Variants in MARCHF6 observed in about 807,000 individuals in gnomAD.
MARCHF6 encodes E3 ubiquitin-protein ligase MARCHF6.
A neutral mutation model predicts 133.7 loss-of-function variants in MARCHF6; 31 were observed. The ratio of observed to expected loss-of-function variants is 0.23; its 90% CI spans 0.17 to 0.31. The LOEUF (loss-of-function observed/expected upper bound fraction) is 0.31. Ranked by LOEUF, MARCHF6 falls within the 10% of genes least tolerant of loss-of-function variation. The probability of loss-of-function intolerance (pLI) is 1.00; values close to 1 mark genes in which losing one functional copy is unlikely to be tolerated. For synonymous variants in MARCHF6, 395 were observed against 402.5 expected (o/e 0.98, Z 0.22); for missense variants, 723 against 1,121.6 (o/e 0.64, Z 5.08).
intron 6 of MARCHF6, among the ~76,000 whole-genome samples, 176 bp from the exon 7 acceptor site, chr5:10,391,366 C>T (rs1017941291): frequency 6.8e-6 from 1 of 147,416 alleles, no homozygotes; most frequent in Non-Finnish European, 1.5e-5. Flanking sequence ...CTCTTGAGCT[C>T]AAGCAATCTG....
In MARCHF6 at chr5:10,407,155, T is replaced by G. The variant is rs774436565; in HGVS notation, c.1506T>G (p.Ile502Met). ...TGCTTTGGCTTCCTATACGTATAAT[T>G]AAGAGTGTGCTGCCTAATTTTCTTC... is the stretch of plus-strand genomic sequence containing the variant. Reference protein sequence around the residue: ...LLMLWLPIRIIKSVLPNFLPY... With the variant: ...LLMLWLPIRIMKSVLPNFLPY... The change falls in exon 17 of 26, where the codon ATT becomes ATG. Residue 502 changes from isoleucine to methionine, a missense_variant. Physicochemically the swap from Ile to Met is conservative, Grantham distance 10. Around this residue, in one of 4 missense-constraint regions of MARCHF6, gnomAD observed 492 missense variants for 699.5 expected, o/e 0.70. Transcript: ENST00000274140. 2 of 1,613,432 alleles carry G rather than the reference T, an allele frequency of 1.2e-6. No individual in the cohort carries two copies.
chr5:10,372,066 C>CAA, intron 1 of MARCHF6, among the ~76,000 whole-genome samples: 1 of 116,784 alleles, frequency 8.6e-6, no homozygotes, highest in East Asian at 2.4e-4. Flanking sequence ...GTGAGTAGGC[C>CAA]AAAAAAAAAA....
intron 1 of MARCHF6, among the ~76,000 whole-genome samples, chr5:10,374,108 A>G (rs974031236): frequency 2.0e-5 from 3 of 152,080 alleles, no homozygotes; most frequent in African/African-American, 7.2e-5. Context: ...AGCCTGATAA[A>G]TTAATACCCT....
At chr5:10,373,466 G>A (rs534599719) in intron 1 of MARCHF6, among the ~76,000 whole-genome samples, 4 of 152,126 alleles carry the variant, frequency 2.6e-5, no homozygotes, top group Non-Finnish European at 2.9e-5. Context: ...CTCAGGCCAC[G>A]CAGGGCTAGG....
At chr5:10,362,896 A>G (rs555687138) in intron 1 of MARCHF6, among the ~76,000 whole-genome samples, 6 of 152,344 alleles carry the variant, frequency 3.9e-5, no homozygotes, top group African/African-American at 9.6e-5. Flanking sequence ...ATACATGGAC[A>G]GTTGATTTTT....
chr5:10,357,256 A>G (rs2126632835), intron 1 of MARCHF6, among the ~76,000 whole-genome samples: 1 of 150,960 alleles, frequency 6.6e-6, no homozygotes, highest in Non-Finnish European at 1.5e-5. Flanking sequence ...ACAATATTGG[A>G]ATAGATGTTG....
chr5:10,364,437 T>C (rs1413483221), intron 1 of MARCHF6, among the ~76,000 whole-genome samples: 2 of 152,148 alleles, frequency 1.3e-5, no homozygotes, highest in Admixed American at 6.5e-5. Context: ...ACTGATAGTG[T>C]GGCAGGAGCT....
At chr5:10,421,543 G>A (rs550700442) in intron 22 of MARCHF6, among the ~76,000 whole-genome samples, 1 of 152,212 alleles carries the variant, frequency 6.6e-6, no homozygotes, top group East Asian at 1.9e-4. Context: ...CTGCAGCTCC[G>A]TGGGATAGTG....
chr5:10,364,828 A>G (rs1399844467), intron 1 of MARCHF6, among the ~76,000 whole-genome samples: 3 of 152,066 alleles, frequency 2.0e-5, no homozygotes, highest in Admixed American at 6.6e-5. Flanking sequence ...TTTGAGATGG[A>G]GTTTCGCTCT....
At chr5:10,392,002 A>G (rs1187919396) in intron 7 of MARCHF6, among the ~76,000 whole-genome samples, 2 of 139,622 alleles carry the variant, frequency 1.4e-5, no homozygotes, top group East Asian at 2.1e-4. Flanking sequence ...TCTGTCGCCC[A>G]GGCTGGAGTG....
chr5:10,366,476 T>G (rs1736144848), intron 1 of MARCHF6, among the ~76,000 whole-genome samples: 1 of 152,242 alleles, frequency 6.6e-6, no homozygotes, highest in South Asian at 2.1e-4. Context: ...ACATGTGGCA[T>G]AGTGCCACGG....
At chr5:10,371,597 A>G (rs1173983292) in intron 1 of MARCHF6, among the ~76,000 whole-genome samples, 1 of 152,182 alleles carries the variant, frequency 6.6e-6, no homozygotes, top group Non-Finnish European at 1.5e-5. Flanking sequence ...CAGCATTGCA[A>G]AGACTTGCCC....
chr5:10,420,759 A>G (rs1739783926), intron 22 of MARCHF6, among the ~76,000 whole-genome samples: 1 of 152,210 alleles, frequency 6.6e-6, no homozygotes, highest in South Asian at 2.1e-4. Flanking sequence ...AACCACAGAA[A>G]TGACCAAACA....
chr5:10,377,758 T>A (rs750611091), intron 1 of MARCHF6, 40 bp from the exon 2 acceptor site: 7 of 1,442,696 alleles, frequency 4.9e-6, no homozygotes, highest in Non-Finnish European at 6.8e-6. Context: ...TTAAAAAAGT[T>A]ATAACCAAAG....
At chr5:10,424,266 G>C (rs1342164735) in intron 23 of MARCHF6, among the ~76,000 whole-genome samples, 1 of 152,112 alleles carries the variant, frequency 6.6e-6, no homozygotes, top group Non-Finnish European at 1.5e-5. Context: ...GCAAAAAATT[G>C]GCAGATGCGG....
At chr5:10,382,255 C>A (rs923568536) in intron 4 of MARCHF6, among the ~76,000 whole-genome samples, 7 of 152,060 alleles carry the variant, frequency 4.6e-5, no homozygotes, top group African/African-American at 1.7e-4. Flanking sequence ...TCAAGGGCTA[C>A]AAAAGACGGC....
intron 4 of MARCHF6, among the ~76,000 whole-genome samples, chr5:10,383,595 C>T (rs1424122184): frequency 6.6e-6 from 1 of 152,164 alleles, no homozygotes; most frequent in African/African-American, 2.4e-5. Context: ...AATTCCCTTT[C>T]TGCAAATTAC....
chr5:10,356,607 A>T (rs1379825327), intron 1 of MARCHF6, among the ~76,000 whole-genome samples: 4 of 151,772 alleles, frequency 2.6e-5, no homozygotes, highest in African/African-American at 9.7e-5. Flanking sequence ...TGTTGGCCAG[A>T]CTGGTCTCAA....
rs2126405003 is a variant in MARCHF6 at position 10,437,825 on chromosome 5, C to T, written c.*4141C>T. ...TGCCTTCTAAGTTGAGAGGACAAAA[C>T]TGAATAAAGTGAATGTTAATTGTAG... On this transcript the variant is annotated 3_prime_UTR_variant, in exon 26 of 26. Coordinates refer to ENST00000274140, the MANE Select transcript of MARCHF6 (RefSeq NM_005885.4). 6.6e-6 allele frequency: 1 copy of T among 152,290 alleles called. No homozygotes were observed. The highest frequency in any genetic ancestry group is 1.9e-4 in the East Asian group (1 of 5,188). The allele number at this position is 152,290 out of a possible 1,614,324, so 9.4% of individuals were successfully genotyped here.
Sources: allele counts gnomAD v4.1 joint callset (sites outside exome capture counted in the v4.1 genomes callset), GRCh38; gene constraint gnomAD v4.1.1; regional missense constraint gnomAD v4.1.1; transcripts MANE v1.5; gene names NCBI Gene and HGNC (gene_info 2026-07-23, HGNC 2026-07-21).